Variants in KIF5A observed in about 807,000 individuals in gnomAD.
KIF5A encodes kinesin family member 5A, also known as kinesin heavy chain isoform 5A.
In KIF5A, 35 loss-of-function variants were observed where a neutral mutation model predicts 141.3. That is an observed-to-expected ratio of 0.25 (90% CI 0.19 to 0.33). KIF5A has a LOEUF of 0.33. Among genes scored for constraint, KIF5A ranks in the 10% least tolerant of loss-of-function variants. The pLI is 1.00. For synonymous variants in KIF5A, 448 were observed against 500.2 expected, an observed-to-expected ratio of 0.90 and a Z score of 1.39; for missense variants, 861 against 1,314.3, an observed-to-expected ratio of 0.66 and a Z score of 5.33.
intron 4 of KIF5A, 92 bp from the exon 5 acceptor site, chr12:57,564,368 A>G: frequency 8.9e-7 from 1 of 1,127,226 alleles, no homozygotes; most frequent in Non-Finnish European, 1.4e-6. Flanking sequence ...TCCTCCCACC[A>G]CCGTTTGAGC....
At chr12:57,571,855 G>T (rs538374734) in intron 13 of KIF5A, among the ~76,000 whole-genome samples, 8 of 152,070 alleles carry the variant, frequency 5.3e-5, no homozygotes, top group Non-Finnish European at 8.8e-5. Context: ...CACTGCGCCC[G>T]GCTGGGGCTT....
Position 57,571,148 on chromosome 12 carries a change from T to C in KIF5A, c.1294-173T>C, listed in dbSNP as rs143272215. On this transcript the variant is annotated intron_variant, in intron 12 of 28. Coordinates refer to ENST00000455537, the MANE Select transcript of KIF5A (RefSeq NM_004984.4). Reference sequence around the variant, plus strand: ...ACAGGGTCTCACTATGTTGCCCAGGTTGGCCTTGAACTCCTGGCTTCAACC... The same window carrying C: ...ACAGGGTCTCACTATGTTGCCCAGGCTGGCCTTGAACTCCTGGCTTCAACC... 8.2e-3 allele frequency among the ~76,000 whole-genome samples: 1,255 copies of C among 152,194 alleles called. 24 individuals are homozygous for C. Among genetic ancestry groups the C allele is most frequent in the East Asian group, 0.07 (361 of 5,178 alleles).
intron 1 of KIF5A, among the ~76,000 whole-genome samples, chr12:57,551,877 T>C (rs1315167319): frequency 2.0e-5 from 1 of 50,558 alleles, no homozygotes; most frequent in East Asian, 7.2e-4. Context: ...TTTTGGTCTC[T>C]CTCTCTCTCT....
At chr12:57,571,299 C>G in intron 12 of KIF5A, 22 bp from the exon 13 acceptor site, 1 of 1,452,268 alleles carries the variant, frequency 6.9e-7, no homozygotes, top group Non-Finnish European at 9.7e-7. Context: ...CTTCACCTGT[C>G]TTTCCCTGTT....
At chr12:57,558,551 A>T (rs559835881) in intron 1 of KIF5A, among the ~76,000 whole-genome samples, 15 of 152,170 alleles carry the variant, frequency 9.9e-5, no homozygotes, top group Non-Finnish European at 1.8e-4. Flanking sequence ...GCGGGCGCCT[A>T]TAATCCCAGC....
chr12:57,567,787 A>G (rs536063067), intron 8 of KIF5A, among the ~76,000 whole-genome samples, 169 bp downstream of exon 8: 7 of 151,504 alleles, frequency 4.6e-5, no homozygotes, highest in Admixed American at 1.3e-4. Context: ...AAACCTTCCA[A>G]GTAGCTGGGA....
In KIF5A at chr12:57,574,014, C is replaced by T. The variant is rs183933017; in HGVS notation, c.1717-1070C>T. On this transcript the variant is annotated intron_variant, in intron 15 of 28. Coordinates refer to ENST00000455537, the MANE Select transcript of KIF5A (RefSeq NM_004984.4). Reference sequence around the variant, plus strand: ...AGGAGAATGGCGTGAACCTGGGAGGCGGAGCTTGCAGTGAGCAGAGATGCG... The same window carrying T: ...AGGAGAATGGCGTGAACCTGGGAGGTGGAGCTTGCAGTGAGCAGAGATGCG... 8.3e-3 allele frequency among the ~76,000 whole-genome samples: 1,154 copies of T among 139,120 alleles called. 12 individuals are homozygous for T. Among genetic ancestry groups the T allele is most frequent in the African/African-American group, 0.029 (1,071 of 37,022 alleles). 91.3% of individuals were successfully genotyped at this position (139,120 alleles called of 152,430 possible).
At chr12:57,564,646 C>T in intron 5 of KIF5A, 138 bp downstream of exon 5, 1 of 839,286 alleles carries the variant, frequency 1.2e-6, no homozygotes, top group East Asian at 2.5e-5. Flanking sequence ...CCCCGTTTAC[C>T]AGAATTTCCA....
chr12:57,550,528 C>T lies in KIF5A; in HGVS notation c.129+128C>T, dbSNP rs889133161. ...CGCCGCTCATCCTTCATCCTCTTCC[C>T]CGCAGCCCCTCCTCTCCCCTGCATC... On this transcript the variant is annotated intron_variant, in intron 1 of 28. Coordinates refer to ENST00000455537, the MANE Select transcript of KIF5A (RefSeq NM_004984.4). The surrounding 1 kb of genome is among the most constrained non-coding windows in gnomAD (Gnocchi z 4.6). The T allele has an allele frequency of 1.7e-5, 17 of 1,011,556 alleles. No individual in the cohort carries two copies. The highest frequency in any genetic ancestry group is 7.4e-5 in the South Asian group (5 of 67,436). 62.7% of individuals were successfully genotyped at this position (1,011,556 alleles called of 1,614,324 possible). A position where few individuals can be genotyped will look rare whatever the true frequency, so the allele number is the denominator to read the frequency against.
chr12:57,557,472 G>A lies in KIF5A; in HGVS notation c.130-5967G>A, dbSNP rs564023616. Among the ~76,000 whole-genome samples the A allele has an allele frequency of 2.0e-5, 3 of 151,786 alleles. No homozygotes were observed. In the South Asian group the frequency reaches 6.3e-4, roughly 32 times the overall value. On this transcript the variant is annotated intron_variant, in intron 1 of 28. Transcript: ENST00000455537. Reference sequence around the variant, plus strand: ...TAACAAAGTTCAAGACAAAGGAAAGGACACCGAAGAAGCTAAAAATCACCC... The same window carrying A: ...TAACAAAGTTCAAGACAAAGGAAAGAACACCGAAGAAGCTAAAAATCACCC...
At chr12:57,560,157 G>C (rs1881868098) in intron 1 of KIF5A, among the ~76,000 whole-genome samples, 1 of 152,210 alleles carries the variant, frequency 6.6e-6, no homozygotes, top group East Asian at 1.9e-4. Context: ...CTCCCAAAGT[G>C]CTGAGATTAC....
At chr12:57,574,081 CAAAA>C (rs1160470796) in intron 15 of KIF5A, among the ~76,000 whole-genome samples, 2 of 64,278 alleles carry the variant, frequency 3.1e-5, no homozygotes. Context: ...GACTCTGTCT[CAAAA>C]AAAAAAAAAA....
At chr12:57,578,817 G>A (rs535173627) in intron 23 of KIF5A, among the ~76,000 whole-genome samples, 1 of 152,176 alleles carries the variant, frequency 6.6e-6, no homozygotes, top group East Asian at 1.9e-4. Context: ...TAGTCCCAGC[G>A]CTTCAGGAAG....
chr12:57,577,950 T>C (rs1430028653), intron 21 of KIF5A, 59 bp from the exon 22 acceptor site: 2 of 1,415,462 alleles, frequency 1.4e-6, no homozygotes, highest in Non-Finnish European at 2.0e-6. Context: ...CCTATAATTC[T>C]GGAGGAATAG....
chr12:57,563,492 A>C lies in KIF5A; in HGVS notation c.183A>C (p.Gln61His). The C allele has an allele frequency of 6.2e-7, 1 of 1,613,950 alleles. No homozygotes were observed. Among genetic ancestry groups the C allele is most frequent in the Non-Finnish European group, 8.5e-7 (1 of 1,179,878 alleles). The change falls in exon 2 of 29, where the codon CAA (glutamine) becomes CAC (histidine). Residue 61 changes from glutamine to histidine, a missense_variant. This residue lies in a region of KIF5A where 59 missense variants were observed against 81.1 expected (regional missense o/e 0.73). Transcript: ENST00000455537. Reference sequence around the variant, plus strand: ...TCCCCCCAAACACGACTCAAGAGCAAGTTTATCATGCATGTGCCATGCAGA... The same window carrying C: ...TCCCCCCAAACACGACTCAAGAGCACGTTTATCATGCATGTGCCATGCAGA... ...RVFPPNTTQEQVYHACAMQIV... is the reference protein window; with the variant it reads ...RVFPPNTTQEHVYHACAMQIV...
At chr12:57,552,338 A>G (rs1230721148) in intron 1 of KIF5A, among the ~76,000 whole-genome samples, 1 of 152,166 alleles carries the variant, frequency 6.6e-6, no homozygotes, top group Non-Finnish European at 1.5e-5. Context: ...AGAGACACAC[A>G]GTGGGAGGTG....
chr12:57,582,907 C>T lies in KIF5A; in HGVS notation c.3021-194C>T, dbSNP rs1180273972. The T allele has an allele frequency of 2.4e-5, 16 of 658,250 alleles. No individual in the cohort carries two copies. The Admixed American group carries it at 3.3e-4, about 13-fold the overall frequency. The allele number at this position is 658,250 out of a possible 1,614,324, so 40.8% of individuals were successfully genotyped here. On this transcript the variant is annotated intron_variant, in intron 27 of 28. Coordinates refer to ENST00000455537, the MANE Select transcript of KIF5A (RefSeq NM_004984.4). ...GGCATCTGACGACTGGGTTTCTCTC[C>T]TACCTTTGGAAGCCTTGTGACATTG...
chr12:57,583,804 T>C (rs756972483), intron 28 of KIF5A, among the ~76,000 whole-genome samples: 4 of 152,176 alleles, frequency 2.6e-5, no homozygotes, highest in Non-Finnish European at 4.4e-5. Context: ...TTTTTCCTCC[T>C]CTGTCCCCAG....
rs760648008 is a variant in KIF5A, at chr12:57,580,937, C to T, written c.2539-19C>T. On this transcript the variant is annotated intron_variant, in intron 23 of 28. Coordinates refer to ENST00000455537, the MANE Select transcript of KIF5A (RefSeq NM_004984.4). ...CACTTGCCTTCCTTTCCACTTCTTCCCTTTGGCTTGCCCCATAGCTGGTAC... is the reference window on the plus strand; with the variant it reads ...CACTTGCCTTCCTTTCCACTTCTTCTCTTTGGCTTGCCCCATAGCTGGTAC... 8 of 1,613,064 alleles carry T rather than the reference C, an allele frequency of 5.0e-6. No homozygotes were observed. The South Asian group carries it at 8.8e-5, about 18-fold the overall frequency.
Sources: gnomAD v4.1 joint callset for allele counts (sites outside exome capture counted in the v4.1 genomes callset) on GRCh38, gnomAD v4.1.1 for gene constraint, gnomAD v4.1.1 regional missense constraint, Gnocchi (gnomAD v3.1) non-coding constraint, MANE v1.5 for transcripts, NCBI Gene and HGNC (gene_info 2026-07-23, HGNC 2026-07-21) for gene names.